The following CIAO3 variants were observed in gnomAD, a reference collection of about 807,000 sequenced individuals.
CIAO3 encodes the protein LET1 like/JFP15.
CIAO3 carries 45 observed loss-of-function variants against 51.5 expected under a neutral mutation model. That is an observed-to-expected ratio of 0.87 (90% CI 0.69 to 1.12). The LOEUF is 1.12. Among genes scored for constraint, CIAO3 ranks in the 50% most tolerant of loss-of-function variants. The probability of loss-of-function intolerance (pLI) is 0.00; values close to 1 mark genes in which losing one functional copy is unlikely to be tolerated. For missense variants in CIAO3, 668 were observed against 632.5 expected (o/e 1.06, Z -0.60); for synonymous variants, 314 against 269.3 (o/e 1.17, Z -1.63).
chr16:737,173 G>A lies in CIAO3; in HGVS notation c.306+13C>T, dbSNP rs771948361. ...CAGGTTAAAGCAGAGTCACCAGGCC[G>A]ACCACTGCTTACCTTGTTAGCATCT... On this transcript the variant is annotated intron_variant, in intron 3 of 10. Transcript: ENST00000251588. This position sits in a 1 kb window ranked among gnomAD's most constrained non-coding sequence, Gnocchi z 5.3. The A allele has an allele frequency of 7.4e-6, 12 of 1,613,430 alleles. 1 individual carries two copies. The South Asian group carries it at 8.8e-5, about 12-fold the overall frequency.
rs144118595 is a variant in CIAO3, at chr16:736,710, C to T, written c.307-312G>A. ...GATGGAGTCTCACTCTATCACCAGG[C>T]TGGTGTGTAATGGCGCAATCTCGGC... On this transcript the variant is annotated intron_variant, in intron 3 of 10. Coordinates refer to ENST00000251588, the MANE Select transcript of CIAO3 (RefSeq NM_022493.3). Among the ~76,000 whole-genome samples, 52 of 152,188 alleles carry T rather than the reference C, an allele frequency of 3.4e-4. 2 individuals are homozygous for T. The Middle Eastern group carries it at 0.017, about 50-fold the overall frequency.
intron 6 of CIAO3, 142 bp from the exon 7 acceptor site, chr16:733,569 G>A (rs1014620400): frequency 4.0e-5 from 51 of 1,277,780 alleles, no homozygotes; most frequent in Non-Finnish European, 5.3e-5. Context: ...GCCTCCTGCC[G>A]GCTCTGCGGA....
Position 731,788 on chromosome 16 carries a change from G to A in CIAO3, c.897-86C>T, listed in dbSNP as rs114515482. 5,330 of 1,415,278 alleles carry A rather than the reference G, an allele frequency of 3.8e-3. 175 individuals are homozygous for A. The African/African-American group carries it at 0.07, about 18-fold the overall frequency. 87.7% of individuals were successfully genotyped at this position (1,415,278 alleles called of 1,614,324 possible). On this transcript the variant is annotated intron_variant, in intron 8 of 10. Transcript: ENST00000251588. The stretch of plus-strand genomic sequence containing the variant: ...GGGCCTCTGTCCCTCACACATGAGC[G>A]TTTGCATTTCCAGGTGGGAGACAAG...
Position 730,654 on chromosome 16 carries a change from G to A in CIAO3, c.1194C>T (p.Gly398=), listed in dbSNP as rs2041265263. Residue 398 remains glycine, a splice_region_variant and synonymous_variant, in exon 11 of 11, where the codon GGC becomes GGT. Coordinates refer to ENST00000251588, the MANE Select transcript of CIAO3 (RefSeq NM_022493.3). ...HYVEVMACPS[G]CLNGGGQLQA... is the part of the protein sequence containing the mutation. ...GGAGCTGGCCCCCGCCGTTCAGGCA[G>A]CCTATGGGAGAGCAGACGGGACAGG... The A allele has an allele frequency of 2.5e-6, 4 of 1,608,046 alleles. No individual in the cohort carries two copies. Among genetic ancestry groups the A allele is most frequent in the East Asian group, 4.5e-5 (2 of 44,860 alleles).
chr16:732,659 C>A, intron 7 of CIAO3: 2 of 453,994 alleles, frequency 4.4e-6, no homozygotes, highest in South Asian at 1.8e-5. Context: ...TTTTTTGAGA[C>A]GGAGTCTCAC....
At chr16:732,798 C>T (rs868406929) in intron 7 of CIAO3, 13 of 327,992 alleles carry the variant, frequency 4.0e-5, no homozygotes, top group South Asian at 2.0e-4. Flanking sequence ...CCACTACTCC[C>T]GGCTAATTTT....
At chr16:732,502 G>T (rs1322410705) in intron 7 of CIAO3, 129 bp from the exon 8 acceptor site, 4 of 1,068,488 alleles carry the variant, frequency 3.7e-6, no homozygotes, top group Non-Finnish European at 5.6e-6. Flanking sequence ...GTCCACCCTA[G>T]CCCGTGGTGG....
At chr16:731,166 G>T (rs984038524) in intron 9 of CIAO3, 166 bp from the exon 10 acceptor site, 34 of 906,162 alleles carry the variant, frequency 3.8e-5, no homozygotes, top group Non-Finnish European at 4.6e-5. Flanking sequence ...AGGGTGGAAG[G>T]CTCACTTCCT....
rs777591529 is a variant in CIAO3, at chr16:737,269, T to C, written c.223A>G (p.Ser75Gly). The stretch of plus-strand genomic sequence containing the variant: ...GTCTCTGCGGAGGTGATGCAGCCGC[T>C]GCACGCCAGGCAGTCGTTTAGCGAG... ...KVSLNDCLAC[S>G]GCITSAETVL... Residue 75 changes from serine to glycine, a missense_variant, in exon 3 of 11, where the codon AGC becomes GGC. Ser to Gly is a moderately conservative substitution (Grantham distance 56). Coordinates refer to ENST00000251588, the MANE Select transcript of CIAO3 (RefSeq NM_022493.3). This position sits in a 1 kb window ranked among gnomAD's most constrained non-coding sequence, Gnocchi z 5.3. 7 of 1,613,408 alleles carry C rather than the reference T, an allele frequency of 4.3e-6. No homozygotes were observed. The highest frequency in any genetic ancestry group is 4.0e-5 in the African/African-American group (3 of 74,946).
At position 733,312 on chromosome 16, in the gene CIAO3, C is replaced by G. The variant is rs372409492; in HGVS notation, c.809G>C (p.Cys270Ser). The G allele has an allele frequency of 6.2e-7, 1 of 1,613,648 alleles. No individual in the cohort carries two copies. Residue 270 changes from cysteine to serine, a missense_variant, in exon 7 of 11, where the codon TGT becomes TCT. Physicochemically the swap from Cys to Ser is moderately radical, Grantham distance 112 (BLOSUM62 -1). Transcript: ENST00000251588. ...NQEHQTRDVD[C>S]VLTTGEVFRL... ...CGTGACCGCACCTGTTGTGAGGACA[C>G]AGTCCACATCCCGTGTCTGGTGCTC... is the stretch of plus-strand genomic sequence containing the variant.
rs555714144 is a variant in CIAO3, at chr16:737,913, C to A, written c.163-584G>T. 41 of 1,181,278 alleles carry A rather than the reference C, an allele frequency of 3.5e-5. No individual in the cohort carries two copies. The African/African-American group carries it at 6.1e-4, about 18-fold the overall frequency. The allele number at this position is 1,181,278 out of a possible 1,614,324, so 73.2% of individuals were successfully genotyped here. A position where few individuals can be genotyped will look rare whatever the true frequency, so the allele number is the denominator to read the frequency against. ...TCTTACATGCAAAACGCACCCAGCT[C>A]GAGCTCCCCCAACTTCTCCTGCAAA... On this transcript the variant is annotated intron_variant, in intron 2 of 10. Coordinates refer to ENST00000251588, the MANE Select transcript of CIAO3 (RefSeq NM_022493.3). This position sits in a 1 kb window ranked among gnomAD's most constrained non-coding sequence, Gnocchi z 5.3.
intron 6 of CIAO3, 70 bp downstream of exon 6, chr16:734,159 G>A: frequency 7.3e-7 from 1 of 1,368,328 alleles, no homozygotes; most frequent in South Asian, 1.2e-5. Context: ...GCAGCCTCAT[G>A]GCAAGAGGCC....
intron 9 of CIAO3, 141 bp from the exon 10 acceptor site, chr16:731,141 C>T (rs1251955457): frequency 3.6e-6 from 4 of 1,109,424 alleles, no homozygotes; most frequent in Non-Finnish European, 5.1e-6. Context: ...GAGGGAAGGA[C>T]AAGAACGGAG....
At chr16:731,187 AG>A in intron 9 of CIAO3, 187 bp from the exon 10 acceptor site, 1 of 753,966 alleles carries the variant, frequency 1.3e-6, no homozygotes, top group Admixed American at 2.9e-5. Flanking sequence ...TGAGTCCAGC[AG>A]GGGACCTCAC....
intron 6 of CIAO3, 128 bp from the exon 7 acceptor site, chr16:733,555 G>T (rs995057611): frequency 2.1e-6 from 3 of 1,408,846 alleles, no homozygotes; most frequent in Non-Finnish European, 2.9e-6. Flanking sequence ...CCATTTCCCA[G>T]CAAGCCTCCT....
At position 730,566 on chromosome 16, in the gene CIAO3, G is replaced by C; in HGVS notation, c.1282C>G (p.Arg428Gly). The C allele has an allele frequency of 3.1e-6, 5 of 1,610,946 alleles. No homozygotes were observed. The highest frequency in any genetic ancestry group is 1.3e-5 in the African/African-American group (1 of 75,072). Reference protein sequence around the residue: ...QHVERLYGMVRAEAPEDAPGV... With the variant: ...QHVERLYGMVGAEAPEDAPGV... ...GGCGCGTCCTCGGGCGCCTCAGCCC[G>C]GACCATGCCGTACAGTCTCTCCACG... is the stretch of plus-strand genomic sequence containing the variant. Residue 428 changes from arginine (R) to glycine (G), a missense_variant, in exon 11 of 11, where the codon CGG becomes GGG. By Grantham distance (125) the Arg-to-Gly change is moderately radical. Transcript: ENST00000251588.
Position 729,877 on chromosome 16 carries a change from C to G in CIAO3, c.*540G>C, listed in dbSNP as rs747449102. ...CTGCTGCTTCGTACTTGGCTTGCCC[C>G]GGACCACAGCCTCGTAACGGTAACC... On this transcript the variant is annotated 3_prime_UTR_variant, in exon 11 of 11. Coordinates refer to ENST00000251588, the MANE Select transcript of CIAO3 (RefSeq NM_022493.3). 1.2e-5 allele frequency: 5 copies of G among 431,516 alleles called. No homozygotes were observed. The highest frequency in any genetic ancestry group is 2.2e-5 in the South Asian group (1 of 46,344). The allele number at this position is 431,516 out of a possible 1,614,324, so 26.7% of individuals were successfully genotyped here. A position where few individuals can be genotyped will look rare whatever the true frequency, so the allele number is the denominator to read the frequency against.
In CIAO3 at chr16:730,555, C is replaced by T. The variant is rs368193380; in HGVS notation, c.1293G>A (p.Ala431=). Residue 431 remains alanine (A), a synonymous_variant, in exon 11 of 11, where the codon GCG becomes GCA. Transcript: ENST00000251588. ...CCTGAACCCCAGGCGCGTCCTCGGGCGCCTCAGCCCGGACCATGCCGTACA... is the reference window on the plus strand; with the variant it reads ...CCTGAACCCCAGGCGCGTCCTCGGGTGCCTCAGCCCGGACCATGCCGTACA... The part of the protein sequence containing the change: ...ERLYGMVRAE[A]PEDAPGVQEL... 60 of 1,610,788 alleles carry T rather than the reference C, an allele frequency of 3.7e-5. No individual in the cohort carries two copies. The highest frequency in any genetic ancestry group is 4.6e-5 in the Non-Finnish European group (54 of 1,179,992).
rs1393765266 is a variant in CIAO3 at position 730,430 on chromosome 16, C to T, written c.1418G>A (p.Gly473Asp). ...HAVEKASTGL[G>D]IRW Reference sequence around the variant, plus strand: ...GTCCTGCAGCCCCTACCACCGGATGCCCAGGCCAGTGCTGGCCTTCTCCAC... The same window carrying T: ...GTCCTGCAGCCCCTACCACCGGATGTCCAGGCCAGTGCTGGCCTTCTCCAC... The change falls in exon 11 of 11, where the codon GGC becomes GAC. Residue 473 changes from glycine to aspartate, a missense_variant. Physicochemically the swap from Gly to Asp is moderately conservative, Grantham distance 94 (BLOSUM62 -1). Transcript: ENST00000251588. The T allele has an allele frequency of 2.5e-6, 4 of 1,602,686 alleles. No homozygotes were observed. The highest frequency in any genetic ancestry group is 3.4e-6 in the Non-Finnish European group (4 of 1,179,784).
Sources: allele counts gnomAD v4.1 joint callset (sites outside exome capture counted in the v4.1 genomes callset), GRCh38; gene constraint gnomAD v4.1.1; non-coding constraint Gnocchi (gnomAD v3.1); transcripts MANE v1.5; gene names NCBI Gene and HGNC (gene_info 2026-07-23, HGNC 2026-07-21).